FSTL5: variants seen among roughly 807,000 people sequenced by gnomAD.
The protein encoded by FSTL5 is follistatin like 5.
In FSTL5, 62 loss-of-function variants were observed where a neutral mutation model predicts 89.1. The observed-to-expected ratio is 0.70, with a 90% confidence interval of 0.57 to 0.86. The LOEUF is 0.86. Among genes scored for constraint, FSTL5 ranks in the 40% least tolerant of loss-of-function variants. The pLI, the probability that FSTL5 is intolerant of heterozygous loss-of-function variation, is 0.00. For synonymous variants in FSTL5, 383 were observed against 346.2 expected (o/e 1.11, Z -1.18); for missense variants, 1,057 against 1,001.6 (o/e 1.06, Z -0.75).
At chr4:162,001,411 C>T (rs1736459301) in intron 3 of FSTL5, among the ~76,000 whole-genome samples, 1 of 152,130 alleles carries the variant, frequency 6.6e-6, no homozygotes, top group African/African-American at 2.4e-5. Context: ...ATAGTAGTCA[C>T]ACAGTCATGA....
intron 2 of FSTL5, among the ~76,000 whole-genome samples, chr4:162,110,589 A>G (rs1731397477): frequency 6.6e-6 from 1 of 151,840 alleles, no homozygotes; most frequent in Non-Finnish European, 1.5e-5. Context: ...TTAAAACTCA[A>G]AAATGTATTA....
At chr4:161,854,075 TG>T (rs551837060) in intron 4 of FSTL5, among the ~76,000 whole-genome samples, 140 of 152,314 alleles carry the variant, frequency 9.2e-4, no homozygotes, top group African/African-American at 3.1e-3. Flanking sequence ...TATATTGCTT[TG>T]TAGTAATAAC....
chr4:161,493,199 T>A (rs530726021), intron 12 of FSTL5, among the ~76,000 whole-genome samples: 1 of 151,826 alleles, frequency 6.6e-6, no homozygotes, highest in African/African-American at 2.4e-5. Flanking sequence ...GTAAATCTAA[T>A]CCATGAGTAT....
intron 7 of FSTL5, among the ~76,000 whole-genome samples, chr4:161,645,320 C>T (rs966526585): frequency 9.9e-5 from 15 of 151,966 alleles, no homozygotes; most frequent in South Asian, 4.2e-4. Context: ...TTTTAAAAAA[C>T]GATTTTAGAA....
chr4:161,757,744 G>A (rs1245295807), intron 6 of FSTL5, among the ~76,000 whole-genome samples: 3 of 151,800 alleles, frequency 2.0e-5, no homozygotes, highest in Non-Finnish European at 4.4e-5. Flanking sequence ...TCAGCGTCCC[G>A]AGTAGCTGGG....
intron 15 of FSTL5, chr4:161,387,594 G>T (rs1730688903): frequency 6.6e-6 from 1 of 151,804 alleles, no homozygotes; most frequent in Non-Finnish European, 1.5e-5. Flanking sequence ...TGCAATCAGA[G>T]TAATATCTCT....
intron 12 of FSTL5, chr4:161,495,488 A>G (rs1441513726): frequency 6.6e-6 from 1 of 152,178 alleles, no homozygotes; most frequent in African/African-American, 2.4e-5. Context: ...CAACTAGGAT[A>G]AATATAGAAA....
intron 13 of FSTL5, among the ~76,000 whole-genome samples, chr4:161,475,680 A>T (rs994881519): frequency 6.6e-6 from 1 of 151,712 alleles, no homozygotes; most frequent in Non-Finnish European, 1.5e-5. Flanking sequence ...AGCATCTTTA[A>T]GATAGTTATT....
At chr4:161,861,359 T>C (rs1369219821) in intron 4 of FSTL5, among the ~76,000 whole-genome samples, 1 of 151,562 alleles carries the variant, frequency 6.6e-6, no homozygotes, top group Non-Finnish European at 1.5e-5. Flanking sequence ...GAGGCAGAGG[T>C]GGCAGTGAGC....
intron 4 of FSTL5, among the ~76,000 whole-genome samples, chr4:161,791,224 GT>G (rs1729463312): frequency 6.6e-6 from 1 of 151,980 alleles, no homozygotes; most frequent in Admixed American, 6.6e-5. Context: ...AAAATGGGAA[GT>G]GAAAAATGAA....
At chr4:161,643,471 G>GT (rs35607433) in intron 7 of FSTL5, among the ~76,000 whole-genome samples, 31,510 of 148,260 alleles carry the variant, frequency 0.21, 3,584 homozygotes, top group East Asian at 0.32. Flanking sequence ...ATGTAACGGA[G>GT]TTTTTTTTTT....
intron 2 of FSTL5, among the ~76,000 whole-genome samples, chr4:162,055,987 A>T (rs951768897): frequency 1.3e-5 from 2 of 151,898 alleles, no homozygotes; most frequent in Admixed American, 1.3e-4. Context: ...AAACTCTTAA[A>T]TTTTTTGAAA....
At chr4:161,858,589 A>G (rs1452013648) in intron 4 of FSTL5, among the ~76,000 whole-genome samples, 2 of 152,198 alleles carry the variant, frequency 1.3e-5, no homozygotes, top group Non-Finnish European at 2.9e-5. Flanking sequence ...TTCTAAATAT[A>G]CTATTTTAAA....
At chr4:161,897,800 T>G (rs1260768806) in intron 4 of FSTL5, among the ~76,000 whole-genome samples, 1 of 151,498 alleles carries the variant, frequency 6.6e-6, no homozygotes, top group Non-Finnish European at 1.5e-5. Flanking sequence ...TTTTTGTAAA[T>G]GTATAATGTG....
intron 1 of FSTL5, among the ~76,000 whole-genome samples, chr4:162,161,082 T>C (rs1286331488): frequency 1.3e-5 from 2 of 151,948 alleles, no homozygotes; most frequent in South Asian, 2.1e-4. Context: ...GATAATTTTC[T>C]GTAGACTTTA....
chr4:162,002,301 C>T (rs1258398597), intron 3 of FSTL5, among the ~76,000 whole-genome samples: 1 of 152,122 alleles, frequency 6.6e-6, no homozygotes, highest in Non-Finnish European at 1.5e-5. Context: ...CCCCTAAATC[C>T]AGCTGTAAAT....
At chr4:161,923,265 C>A in intron 3 of FSTL5, among the ~76,000 whole-genome samples, 1 of 149,928 alleles carries the variant, frequency 6.7e-6, no homozygotes, top group African/African-American at 2.5e-5. Context: ...GTTCTTTGTG[C>A]AAATAAACTC....
intron 2 of FSTL5, among the ~76,000 whole-genome samples, chr4:162,084,861 GTGTATACCTA>G (rs929309631): frequency 4.6e-5 from 7 of 151,902 alleles, no homozygotes; most frequent in Non-Finnish European, 8.8e-5. Context: ...ACCATGGCAG[GTGTATACCTA>G]TGTAACAAAC....
At chr4:161,433,070 T>G (rs540596195) in intron 15 of FSTL5, among the ~76,000 whole-genome samples, 19 of 151,350 alleles carry the variant, frequency 1.3e-4, no homozygotes, top group African/African-American at 4.4e-4. Flanking sequence ...CTAAACTCAT[T>G]CTATAAGGCC....
Sources: gnomAD v4.1 joint callset for allele counts (sites outside exome capture counted in the v4.1 genomes callset) on GRCh38, gnomAD v4.1.1 for gene constraint, MANE v1.5 for transcripts, NCBI Gene and HGNC (gene_info 2026-07-23, HGNC 2026-07-21) for gene names.